PLEKHG6: variants seen among roughly 807,000 people sequenced by gnomAD.
PLEKHG6 encodes pleckstrin homology and RhoGEF domain containing G6, also known as pleckstrin homology domain-containing family G member 6.
In PLEKHG6, 91 loss-of-function variants were observed where a neutral mutation model predicts 97.5. That is an observed-to-expected ratio of 0.93 (90% confidence interval 0.79 to 1.11). The LOEUF is 1.11. Among genes scored for constraint, PLEKHG6 ranks in the 50% most tolerant of loss-of-function variants. The pLI is 0.00. For synonymous variants in PLEKHG6, 466 were observed against 425.5 expected (o/e 1.10, Z -1.17); for missense variants, 1,044 against 1,031.0 (o/e 1.01, Z -0.17).
chr12:6,317,427 T>A lies in PLEKHG6; in HGVS notation c.867+14T>A, dbSNP rs1300331172. 5 of 1,610,590 alleles carry A rather than the reference T, an allele frequency of 3.1e-6. No homozygotes were observed. The East Asian group carries it at 6.7e-5, about 22-fold the overall frequency. ...GCCTTCGTGCAGGTGGGAGAAGGGG[T>A]GCTGGGGAGGGGGACGGGTGCATCT... On this transcript the variant is annotated intron_variant, in intron 8 of 15. Transcript: ENST00000684764.
Position 6,316,403 on chromosome 12 carries a change from C to A in PLEKHG6, c.755C>A (p.Thr252Lys), listed in dbSNP as rs371112449. The A allele has an allele frequency of 6.4e-7, 1 of 1,569,866 alleles. No individual in the cohort carries two copies. The highest frequency in any genetic ancestry group is 2.3e-5 in the East Asian group (1 of 42,816). Reference sequence around the variant, plus strand: ...ATTGGTCTGCAAAGTGGCTTCCTGACGGTGAGGCCTGTGAAGGGCTGTGTC... The same window carrying A: ...ATTGGTCTGCAAAGTGGCTTCCTGAAGGTGAGGCCTGTGAAGGGCTGTGTC... ...DPIGLQSGFLTFGQRFHPYVQ... is the reference protein window; with the variant it reads ...DPIGLQSGFLKFGQRFHPYVQ... Residue 252 changes from threonine (T) to lysine (K), a missense_variant and splice_region_variant, in exon 7 of 16, where the codon ACG (threonine) becomes AAG (lysine). By Grantham distance (78) the Thr-to-Lys change is moderately conservative. Transcript: ENST00000684764. The surrounding 1 kb of genome is among the most constrained non-coding windows in gnomAD (Gnocchi z 4.1).
rs2136734661 is a variant in PLEKHG6 at position 6,315,727 on chromosome 12, AC to A, written c.555+79del. The A allele has an allele frequency of 1.6e-6, 2 of 1,224,140 alleles. No individual in the cohort carries two copies. Among genetic ancestry groups the A allele is most frequent in the East Asian group, 5.2e-5 (2 of 38,640 alleles). 75.8% of individuals were successfully genotyped at this position (1,224,140 alleles called of 1,614,324 possible). A position where few individuals can be genotyped will look rare whatever the true frequency, so the allele number is the denominator to read the frequency against. The stretch of plus-strand genomic sequence containing the variant: ...ATCCTCCCAGACTGGAAGGCAGGTC[AC>A]TGGGGGAGGGAGGGGCAGGATTTCA... On this transcript the variant is annotated intron_variant, in intron 5 of 15. Transcript: ENST00000684764. This position sits in a 1 kb window ranked among gnomAD's most constrained non-coding sequence, Gnocchi z 4.5.
At chr12:6,318,038 G>C (rs750668231) in intron 10 of PLEKHG6, 44 bp downstream of exon 10, 35 of 1,544,166 alleles carry the variant, frequency 2.3e-5, no homozygotes, top group Non-Finnish European at 3.0e-5. Context: ...CAAGGTCCCA[G>C]GGATACTGGT....
chr12:6,320,769 G>A (rs1947678191), intron 13 of PLEKHG6, among the ~76,000 whole-genome samples: 1 of 152,156 alleles, frequency 6.6e-6, no homozygotes, highest in Non-Finnish European at 1.5e-5. Flanking sequence ...CACAGGAACG[G>A]AATGGCCAAA....
Position 6,318,440 on chromosome 12 carries a change from A to G in PLEKHG6, c.1275+20A>G, listed in dbSNP as rs1947567717. 1 of 1,588,828 alleles carries G rather than the reference A, an allele frequency of 6.3e-7. No homozygotes were observed. The highest frequency in any genetic ancestry group is 1.4e-5 in the African/African-American group (1 of 73,952). On this transcript the variant is annotated intron_variant, in intron 11 of 15. Transcript: ENST00000684764. ...GGGAAGGTGAGGGTGCTGCGGACAG[A>G]GTGGAGGGGATGGGGCACGGTGGGA...
upstream of PLEKHG6, chr12:6,310,529 G>A (rs1467191518): frequency 6.6e-6 from 1 of 152,302 alleles, no homozygotes; most frequent in Non-Finnish European, 1.5e-5. Flanking sequence ...CGACCGAAAA[G>A]GGGAAAGGAG....
In PLEKHG6 at chr12:6,316,030, G is replaced by T; in HGVS notation, c.606+111G>T. On this transcript the variant is annotated intron_variant, in intron 6 of 15. Coordinates refer to ENST00000684764, the MANE Select transcript of PLEKHG6 (RefSeq NM_001384598.1). This position sits in a 1 kb window ranked among gnomAD's most constrained non-coding sequence, Gnocchi z 4.1. ...GAATTCCCACTGCCCCGTTTTTTGGGATGCCTTGCCCTCCCTACTTCCCTG... is the reference window on the plus strand; with the variant it reads ...GAATTCCCACTGCCCCGTTTTTTGGTATGCCTTGCCCTCCCTACTTCCCTG... The T allele has an allele frequency of 9.2e-7, 1 of 1,090,408 alleles. No individual in the cohort carries two copies. 67.5% of individuals were successfully genotyped at this position (1,090,408 alleles called of 1,614,324 possible). A position where few individuals can be genotyped will look rare whatever the true frequency, so the allele number is the denominator to read the frequency against.
chr12:6,328,213 C>G lies in PLEKHG6; in HGVS notation c.*68C>G. On this transcript the variant is annotated 3_prime_UTR_variant, in exon 16 of 16. Coordinates refer to ENST00000684764, the MANE Select transcript of PLEKHG6 (RefSeq NM_001384598.1). ...TCTCTCCCCAGTAGTGCTGGTCACCCTCCGGCATCTGTGACTCTACCTCAA... is the reference window on the plus strand; with the variant it reads ...TCTCTCCCCAGTAGTGCTGGTCACCGTCCGGCATCTGTGACTCTACCTCAA... 6.6e-7 allele frequency: 1 copy of G among 1,505,978 alleles called. No homozygotes were observed. 93.3% of individuals were successfully genotyped at this position (1,505,978 alleles called of 1,614,324 possible).
At chr12:6,320,240 G>C (rs1458475671) in intron 13 of PLEKHG6, among the ~76,000 whole-genome samples, 1 of 152,142 alleles carries the variant, frequency 6.6e-6, no homozygotes, top group African/African-American at 2.4e-5. Flanking sequence ...CAGTGAAGGA[G>C]TCGGGCAGGG....
chr12:6,324,790 C>T (rs541603656), intron 13 of PLEKHG6, among the ~76,000 whole-genome samples: 7 of 152,112 alleles, frequency 4.6e-5, no homozygotes, highest in Admixed American at 3.3e-4. Flanking sequence ...AGCTGCTCCC[C>T]GGGTTTCTTG....
intron 13 of PLEKHG6, among the ~76,000 whole-genome samples, chr12:6,320,443 C>T (rs1947665394): frequency 6.6e-6 from 1 of 152,146 alleles, no homozygotes; most frequent in African/African-American, 2.4e-5. Context: ...GAGGAGAATC[C>T]ATCCTTGCCT....
Position 6,318,855 on chromosome 12 carries a change from G to C in PLEKHG6, c.1386G>C (p.Val462=), listed in dbSNP as rs769656914. The C allele has an allele frequency of 3.7e-6, 6 of 1,614,114 alleles. No homozygotes were observed. In the East Asian group the frequency reaches 1.3e-4, roughly 36 times the overall value. The change falls in exon 12 of 16, where the codon GTG becomes GTC. Residue 462 remains valine, a synonymous_variant. Transcript: ENST00000684764. ...CCCCTCTCATGCTGGAGAAGCTCGT[G>C]TGCCAACCCCTGCGAGACCCCAGTA... ...IRPPLMLEKL[V]CQPLRDPNSF...
Position 6,318,437 on chromosome 12 carries a change from CAG to C in PLEKHG6, c.1275+20_1275+21del. 6.3e-7 allele frequency: 1 copy of C among 1,597,062 alleles called. No homozygotes were observed. Among genetic ancestry groups the C allele is most frequent in the Non-Finnish European group, 8.5e-7 (1 of 1,172,752 alleles). ...GAAGGGAAGGTGAGGGTGCTGCGGACAGAGTGGAGGGGATGGGGCACGGTGGG... is the reference window on the plus strand; with the variant it reads ...GAAGGGAAGGTGAGGGTGCTGCGGACAGTGGAGGGGATGGGGCACGGTGGG... On this transcript the variant is annotated intron_variant, in intron 11 of 15. Coordinates refer to ENST00000684764, the MANE Select transcript of PLEKHG6 (RefSeq NM_001384598.1).
In PLEKHG6 at chr12:6,316,067, T is replaced by C; in HGVS notation, c.606+148T>C. 1.1e-6 allele frequency: 1 copy of C among 923,106 alleles called. No individual in the cohort carries two copies. Among genetic ancestry groups the C allele is most frequent in the Non-Finnish European group, 1.6e-6 (1 of 619,754 alleles). 57.2% of individuals were successfully genotyped at this position (923,106 alleles called of 1,614,324 possible). ...TCCCTACTTCCCTGTTACTGGGGAC[T>C]CCAAGCAGGCCACAGGCCCCCCATT... On this transcript the variant is annotated intron_variant, in intron 6 of 15. Coordinates refer to ENST00000684764, the MANE Select transcript of PLEKHG6 (RefSeq NM_001384598.1). This position sits in a 1 kb window ranked among gnomAD's most constrained non-coding sequence, Gnocchi z 4.1.
chr12:6,318,826 C>G lies in PLEKHG6; in HGVS notation c.1357C>G (p.Arg453Gly). Residue 453 changes from arginine to glycine, a missense_variant, in exon 12 of 16, where the codon CGA becomes GGA. Arg to Gly is a moderately radical substitution (Grantham distance 125, BLOSUM62 -2). Transcript: ENST00000684764. The part of the protein sequence containing the change: ...QRKADKAKVI[R>G]PPLMLEKLVC... ...CAAGGCGGACAAAGCCAAGGTCATC[C>G]GACCCCCTCTCATGCTGGAGAAGCT... is the stretch of plus-strand genomic sequence containing the variant. The G allele has an allele frequency of 2.5e-6, 4 of 1,614,212 alleles. No homozygotes were observed. The highest frequency in any genetic ancestry group is 3.4e-6 in the Non-Finnish European group (4 of 1,180,032).
In PLEKHG6 at chr12:6,317,958, C is replaced by G. The variant is rs534778087; in HGVS notation, c.1119C>G (p.Tyr373Ter). ...LAAAAQRIGP[Y>*]EVLEPPSDEV... The stretch of plus-strand genomic sequence containing the variant: ...CTGCAGCACAACGCATCGGGCCCTA[C>G]GAGGTGCTGGAGCCACCCAGTGATG... The change falls in exon 10 of 16, where the codon TAC (tyrosine) becomes TAG (stop). Residue 373 changes from tyrosine (Y) to a stop codon, truncating the protein, a stop_gained. Coordinates refer to ENST00000684764, the MANE Select transcript of PLEKHG6 (RefSeq NM_001384598.1). LOFTEE classifies it high-confidence loss of function. 56 of 1,587,178 alleles carry G rather than the reference C, an allele frequency of 3.5e-5. 1 individual carries two copies. In the South Asian group the frequency reaches 4.7e-4, roughly 13 times the overall value.
At chr12:6,313,146 T>A (rs760917133) in intron 2 of PLEKHG6, 9 of 1,547,058 alleles carry the variant, frequency 5.8e-6, no homozygotes, top group Non-Finnish European at 7.9e-6. Context: ...CCCAGCTGGA[T>A]GGGATGCAGG....
chr12:6,315,268 G>A lies in PLEKHG6; in HGVS notation c.459+99G>A. On this transcript the variant is annotated intron_variant, in intron 4 of 15. Coordinates refer to ENST00000684764, the MANE Select transcript of PLEKHG6 (RefSeq NM_001384598.1). The surrounding 1 kb of genome is among the most constrained non-coding windows in gnomAD (Gnocchi z 4.5). ...GAAAGGCCTTGGGAAGTGGGGTCAT[G>A]TGGAAAAAACATCTGGAAACGCGTT... The A allele has an allele frequency of 8.1e-7, 1 of 1,233,714 alleles. No homozygotes were observed. The highest frequency in any genetic ancestry group is 1.1e-6 in the Non-Finnish European group (1 of 899,802). The allele number at this position is 1,233,714 out of a possible 1,614,324, so 76.4% of individuals were successfully genotyped here.
chr12:6,325,504 G>C (rs961607168), intron 13 of PLEKHG6, among the ~76,000 whole-genome samples: 4 of 152,152 alleles, frequency 2.6e-5, no homozygotes, highest in African/African-American at 9.7e-5. Context: ...ATCGCTGAGG[G>C]AGGGAGAAGG....
Sources: gnomAD v4.1 joint callset for allele counts (sites outside exome capture counted in the v4.1 genomes callset) on GRCh38, gnomAD v4.1.1 for gene constraint, Gnocchi (gnomAD v3.1) non-coding constraint, MANE v1.5 for transcripts, NCBI Gene and HGNC (gene_info 2026-07-23, HGNC 2026-07-21) for gene names.